MYOM1: variants seen among roughly 807,000 people sequenced by gnomAD.
MYOM1 encodes myomesin-1.
Under a neutral mutation model 205.3 loss-of-function variants are expected in MYOM1, and 164 were observed. The ratio of observed to expected loss-of-function variants is 0.80; its 90% CI spans 0.70 to 0.91. The LOEUF is 0.91. Ranked by LOEUF, MYOM1 falls within the 40% of genes least tolerant of loss-of-function variation. MYOM1 has a pLI of 0.00. For missense variants in MYOM1, 2,011 were observed against 2,127.3 expected (o/e 0.95, Z 1.08); for synonymous variants, 772 against 789.4 (o/e 0.98, Z 0.37).
chr18:3,210,996 T>C (rs773604840), intron 2 of MYOM1, among the ~76,000 whole-genome samples: 1 of 152,194 alleles, frequency 6.6e-6, no homozygotes, highest in Non-Finnish European at 1.5e-5. Flanking sequence ...TTTTAATCTG[T>C]TTAGAATAAG....
chr18:3,073,336 T>C (rs34736843), intron 36 of MYOM1, among the ~76,000 whole-genome samples: 48,475 of 152,046 alleles, frequency 0.32, 7,936 homozygotes, highest in African/African-American at 0.37. Context: ...CTGTCATTCA[T>C]TCAAAGGTGT....
At chr18:3,133,049 A>G (rs1249686960) in intron 16 of MYOM1, among the ~76,000 whole-genome samples, 5 of 152,100 alleles carry the variant, frequency 3.3e-5, no homozygotes, top group Admixed American at 3.3e-4. Context: ...TGTTCCAGAC[A>G]CTGAGTTAGG....
intron 19 of MYOM1, 148 bp from the exon 20 acceptor site, chr18:3,120,143 G>A: frequency 8.9e-7 from 1 of 1,129,412 alleles, no homozygotes; most frequent in Non-Finnish European, 1.2e-6. Context: ...AATCTCCTGG[G>A]TGTGGATGAA....
chr18:3,132,103 AT>A (rs1191226706), intron 16 of MYOM1, among the ~76,000 whole-genome samples: 12 of 96,888 alleles, frequency 1.2e-4, no homozygotes, highest in East Asian at 3.8e-4. Context: ...TAAAATTATT[AT>A]TATATATGTG....
chr18:3,129,585 A>G, intron 17 of MYOM1, 66 bp from the exon 18 acceptor site: 1 of 1,498,306 alleles, frequency 6.7e-7, no homozygotes, highest in Non-Finnish European at 8.9e-7. Flanking sequence ...CTCTTATAGG[A>G]TAGAACAAAG....
chr18:3,090,581 A>G, intron 27 of MYOM1, 77 bp downstream of exon 27: 1 of 1,553,080 alleles, frequency 6.4e-7, no homozygotes, highest in Admixed American at 2.0e-5. Context: ...CTTTCAAATA[A>G]CAACTTTTGT....
At chr18:3,208,711 T>C (rs1598772552) in intron 2 of MYOM1, among the ~76,000 whole-genome samples, 1 of 152,168 alleles carries the variant, frequency 6.6e-6, no homozygotes, top group African/African-American at 2.4e-5. Flanking sequence ...TGAACTATGA[T>C]GCTTTTTTCT....
intron 2 of MYOM1, among the ~76,000 whole-genome samples, chr18:3,206,710 A>G (rs1159384063): frequency 6.6e-6 from 1 of 152,092 alleles, no homozygotes; most frequent in East Asian, 1.9e-4. Flanking sequence ...CCCATTTCCC[A>G]ATCTTGACAC....
At chr18:3,218,285 A>C (rs2081293721) in intron 1 of MYOM1, among the ~76,000 whole-genome samples, 1 of 152,208 alleles carries the variant, frequency 6.6e-6, no homozygotes, top group South Asian at 2.1e-4. Flanking sequence ...GTTTTCTCCA[A>C]ATGTCATTTT....
Position 3,126,775 on chromosome 18 carries a change from G to C in MYOM1, c.2917C>G (p.Arg973Gly). The change falls in exon 19 of 38, where the codon CGC (arginine) becomes GGC (glycine). Residue 973 changes from arginine (R) to glycine (G), a missense_variant. Coordinates refer to ENST00000356443, the MANE Select transcript of MYOM1 (RefSeq NM_003803.4). ...CCTGGTACCCCATCAATGACCTCGC[G>C]ATAGTTCACATAATAGCCAGTAATT... ...AEITGYYVNYREVIDGVPGKW... is the reference protein window; with the variant it reads ...AEITGYYVNYGEVIDGVPGKW... 6.2e-7 allele frequency: 1 copy of C among 1,613,832 alleles called. No homozygotes were observed. Among genetic ancestry groups the C allele is most frequent in the Admixed American group, 1.7e-5 (1 of 59,998 alleles).
chr18:3,085,251 T>TGC lies in MYOM1; in HGVS notation c.4252-120_4252-119insGC. The stretch of plus-strand genomic sequence containing the variant: ...CTGCTTTTTTTTTTTTTTTTTTTTT[T>TGC]TTTTTTTTTTTTTTTTTTTTTGAGA... On this transcript the variant is annotated intron_variant, in intron 30 of 37. Coordinates refer to ENST00000356443, the MANE Select transcript of MYOM1 (RefSeq NM_003803.4). The TGC allele has an allele frequency of 8.5e-6, 3 of 351,464 alleles. No individual in the cohort carries two copies. In the South Asian group the frequency reaches 1.3e-4, roughly 15 times the overall value. The allele number at this position is 351,464 out of a possible 1,614,324, so 21.8% of individuals were successfully genotyped here.
intron 25 of MYOM1, among the ~76,000 whole-genome samples, chr18:3,094,808 C>T (rs895132161): frequency 2.0e-5 from 3 of 151,870 alleles, no homozygotes; most frequent in African/African-American, 7.3e-5. Flanking sequence ...ACAACAGTCA[C>T]GCACCACCAC....
chr18:3,117,093 G>C (rs2079617540), intron 20 of MYOM1, among the ~76,000 whole-genome samples: 1 of 152,158 alleles, frequency 6.6e-6, no homozygotes, highest in East Asian at 1.9e-4. Context: ...TTGGGTTCAA[G>C]TGGTTCTTCT....
chr18:3,194,587 A>C (rs1026211581), intron 2 of MYOM1, among the ~76,000 whole-genome samples: 2 of 152,202 alleles, frequency 1.3e-5, no homozygotes, highest in Non-Finnish European at 2.9e-5. Context: ...GTGCACTTGG[A>C]GGCAGGTAGT....
At chr18:3,145,047 G>A (rs754702127) in intron 13 of MYOM1, among the ~76,000 whole-genome samples, 13 of 152,136 alleles carry the variant, frequency 8.5e-5, no homozygotes, top group African/African-American at 1.4e-4. Context: ...TGTGGCTAAC[G>A]CCTGTAATCC....
At chr18:3,068,811 T>C (rs560300704) in intron 37 of MYOM1, among the ~76,000 whole-genome samples, 1 of 152,354 alleles carries the variant, frequency 6.6e-6, no homozygotes, top group African/African-American at 2.4e-5. Context: ...ATGCACTAAG[T>C]TGCTATGAAC....
chr18:3,223,636 C>T (rs1000306999), upstream of MYOM1, among the ~76,000 whole-genome samples: 13 of 152,188 alleles, frequency 8.5e-5, no homozygotes, highest in African/African-American at 2.9e-4. Context: ...TGCTATCAAT[C>T]CACAAAGTAA....
At chr18:3,114,137 C>T (rs1024261813) in intron 21 of MYOM1, among the ~76,000 whole-genome samples, 3 of 152,076 alleles carry the variant, frequency 2.0e-5, no homozygotes, top group South Asian at 2.1e-4. Flanking sequence ...GAAACATTTC[C>T]GTGTAATAAA....
intron 3 of MYOM1, among the ~76,000 whole-genome samples, chr18:3,193,381 C>CACAA (rs139388864): frequency 2.8e-5 from 4 of 141,400 alleles, no homozygotes; most frequent in Non-Finnish European, 6.0e-5. Context: ...CACACACACA[C>CACAA]AATAATAAAA....
Sources: gnomAD v4.1 joint callset for allele counts (sites outside exome capture counted in the v4.1 genomes callset) on GRCh38, gnomAD v4.1.1 for gene constraint, MANE v1.5 for transcripts, NCBI Gene and HGNC (gene_info 2026-07-23, HGNC 2026-07-21) for gene names.